TCF7L1: variants seen among roughly 807,000 people sequenced by gnomAD.
The protein encoded by TCF7L1 is transcription factor 7 like 1.
A neutral mutation model predicts 63.7 loss-of-function variants in TCF7L1; 18 were observed. That is an observed-to-expected ratio of 0.28 (90% CI 0.20 to 0.42). The LOEUF (loss-of-function observed/expected upper bound fraction) is 0.42, where lower values mean the gene tolerates loss of function less well. TCF7L1 is among the 10% of genes least tolerant of loss of function. The probability of loss-of-function intolerance (pLI) is 1.00; values close to 1 mark genes in which losing one functional copy is unlikely to be tolerated. For synonymous variants in TCF7L1, 355 were observed against 340.9 expected (o/e 1.04, Z -0.46); for missense variants, 654 against 779.3 (o/e 0.84, Z 1.91).
chr2:85,140,706 A>G (rs1677708039), intron 3 of TCF7L1, among the ~76,000 whole-genome samples: 1 of 152,110 alleles, frequency 6.6e-6, no homozygotes, highest in South Asian at 2.1e-4. Context: ...AGGCTGAGGT[A>G]GGAGAATCAC....
intron 3 of TCF7L1, among the ~76,000 whole-genome samples, chr2:85,163,092 C>T (rs1305569443): frequency 6.6e-6 from 1 of 152,166 alleles, no homozygotes; most frequent in East Asian, 1.9e-4. Flanking sequence ...TCCAGTGGCT[C>T]TCAACCCTGG....
intron 3 of TCF7L1, among the ~76,000 whole-genome samples, chr2:85,160,952 AG>A (rs1558620018): frequency 6.6e-6 from 1 of 152,228 alleles, no homozygotes; most frequent in Non-Finnish European, 1.5e-5. Context: ...GGTGTAAAAC[AG>A]GGGTGGCTGT....
intron 3 of TCF7L1, among the ~76,000 whole-genome samples, chr2:85,259,471 G>C (rs999010638): frequency 1.3e-5 from 2 of 152,360 alleles, no homozygotes; most frequent in African/African-American, 4.8e-5. Flanking sequence ...CTATAAAGCA[G>C]AGGGCTGGCC....
rs949665833 is a variant in TCF7L1, at chr2:85,304,488, G to A, written c.845+150G>A. On this transcript the variant is annotated intron_variant, in intron 7 of 11. Coordinates refer to ENST00000282111, the MANE Select transcript of TCF7L1 (RefSeq NM_031283.3). ...TTGATCAAGCATCTTCTCACGTCCC[G>A]CGCTCCCCACCCCCAGGTCAGAATG... is the stretch of plus-strand genomic sequence containing the variant. 8.7e-5 allele frequency: 61 copies of A among 704,338 alleles called. 1 individual carries two copies. The highest frequency in any genetic ancestry group is 6.8e-4 in the South Asian group (36 of 52,580). 43.6% of individuals were successfully genotyped at this position (704,338 alleles called of 1,614,324 possible).
intron 3 of TCF7L1, among the ~76,000 whole-genome samples, chr2:85,138,657 T>C (rs1677651594): frequency 6.6e-6 from 1 of 152,182 alleles, no homozygotes; most frequent in Admixed American, 6.5e-5. Flanking sequence ...TGTCAATCTT[T>C]TTTCTTTGGT....
intron 5 of TCF7L1, 190 bp from the exon 6 acceptor site, chr2:85,303,705 C>T: frequency 6.3e-6 from 3 of 477,676 alleles, no homozygotes; most frequent in Non-Finnish European, 1.1e-5. Flanking sequence ...TTAGTCCTGC[C>T]TCCCCTGAAT....
intron 3 of TCF7L1, among the ~76,000 whole-genome samples, chr2:85,236,965 G>A (rs1322031588): frequency 5.3e-5 from 8 of 152,136 alleles, no homozygotes; most frequent in Non-Finnish European, 8.8e-5. Context: ...GGTCACTGTC[G>A]TAAGCTCTTT....
chr2:85,178,154 A>T (rs1018223758), intron 3 of TCF7L1, among the ~76,000 whole-genome samples: 12 of 152,228 alleles, frequency 7.9e-5, no homozygotes, highest in Non-Finnish European at 1.6e-4. Flanking sequence ...CTCCATGGAC[A>T]GTGAGCTCTT....
At chr2:85,161,288 G>A (rs1415113076) in intron 3 of TCF7L1, among the ~76,000 whole-genome samples, 1 of 152,216 alleles carries the variant, frequency 6.6e-6, no homozygotes, top group African/African-American at 2.4e-5. Context: ...ATTTTTTAAG[G>A]TAAATAAAGT....
intron 3 of TCF7L1, among the ~76,000 whole-genome samples, chr2:85,268,166 G>T (rs1252561893): frequency 6.6e-6 from 1 of 152,232 alleles, no homozygotes; most frequent in East Asian, 1.9e-4. Context: ...AGGGTCCCCA[G>T]TGGCAGCGGA....
chr2:85,175,611 G>A (rs189200815), intron 3 of TCF7L1, among the ~76,000 whole-genome samples: 20 of 152,300 alleles, frequency 1.3e-4, no homozygotes, highest in Admixed American at 1.0e-3. Flanking sequence ...TTTCCCGATG[G>A]ATCAGGTAAT....
intron 3 of TCF7L1, among the ~76,000 whole-genome samples, chr2:85,278,914 C>T (rs764589370): frequency 1.3e-5 from 2 of 152,228 alleles, no homozygotes; most frequent in Non-Finnish European, 2.9e-5. Context: ...GAAGTGGGAG[C>T]GATCGCTATT....
At chr2:85,137,430 CTG>C (rs1677620087) in intron 3 of TCF7L1, among the ~76,000 whole-genome samples, 1 of 152,226 alleles carries the variant, frequency 6.6e-6, no homozygotes, top group African/African-American at 2.4e-5. Flanking sequence ...GGCCAAGTCT[CTG>C]TGAGCTGCAA....
At chr2:85,152,611 T>C (rs570166481) in intron 3 of TCF7L1, among the ~76,000 whole-genome samples, 17 of 151,692 alleles carry the variant, frequency 1.1e-4, no homozygotes, top group African/African-American at 4.1e-4. Context: ...ATTTTCGTAG[T>C]TTTAGTAGAG....
intron 3 of TCF7L1, among the ~76,000 whole-genome samples, chr2:85,196,537 A>AT (rs111548214): frequency 0.014 from 1,998 of 142,972 alleles, 41 homozygotes; most frequent in African/African-American, 0.046. Flanking sequence ...CATCAGGACT[A>AT]TTTTTTTTTT....
chr2:85,253,413 G>A (rs114064587), intron 3 of TCF7L1, among the ~76,000 whole-genome samples: 5 of 152,168 alleles, frequency 3.3e-5, no homozygotes, highest in African/African-American at 1.2e-4. Flanking sequence ...ATTTGGTTAC[G>A]ACCTCCATGC....
rs1680417116 is a variant in TCF7L1 at position 85,244,629 on chromosome 2, GGGACATGTTGTATTGGAGATACTTTTT to G, written c.442-38859_442-38833del. 2.0e-5 allele frequency among the ~76,000 whole-genome samples: 3 copies of G among 152,284 alleles called. No homozygotes were observed. In the South Asian group the frequency reaches 6.2e-4, roughly 32 times the overall value. On this transcript the variant is annotated intron_variant, in intron 3 of 11. Coordinates refer to ENST00000282111, the MANE Select transcript of TCF7L1 (RefSeq NM_031283.3). ...GAGGAAATAATTAGGAGCTCTGTTT[GGGACATGTTGTATTGGAGATACTTTTT>G]GGACATCCAGTGGGGAGAGTGATAG...
At chr2:85,237,021 A>G (rs1023857228) in intron 3 of TCF7L1, among the ~76,000 whole-genome samples, 4 of 152,118 alleles carry the variant, frequency 2.6e-5, no homozygotes, top group African/African-American at 9.7e-5. Context: ...CTGAAATAGG[A>G]TGCTGAGATA....
intron 3 of TCF7L1, among the ~76,000 whole-genome samples, chr2:85,232,733 CA>C (rs1290077060): frequency 2.0e-5 from 3 of 152,110 alleles, no homozygotes; most frequent in African/African-American, 7.2e-5. Context: ...TGATGTTCCC[CA>C]TCCAATCCCG....
Sources: allele counts gnomAD v4.1 joint callset (sites outside exome capture counted in the v4.1 genomes callset), GRCh38; gene constraint gnomAD v4.1.1; transcripts MANE v1.5; gene names NCBI Gene and HGNC (gene_info 2026-07-23, HGNC 2026-07-21).